NRG1: variants seen among roughly 807,000 people sequenced by gnomAD.
NRG1 encodes the protein pro-neuregulin-1, membrane-bound isoform.
Under a neutral mutation model 63.8 loss-of-function variants are expected in NRG1, and 18 were observed. The observed-to-expected ratio is 0.28, with a 90% CI of 0.19 to 0.42. The LOEUF (loss-of-function observed/expected upper bound fraction) is 0.42, where lower values mean the gene tolerates loss of function less well. NRG1 is among the 10% of genes least tolerant of loss of function. The pLI is 1.00. For synonymous variants in NRG1, 302 were observed against 301.3 expected, an observed-to-expected ratio of 1.00 and a Z score of -0.02; for missense variants, 762 against 814.7, an observed-to-expected ratio of 0.94 and a Z score of 0.79.
At chr8:32,274,021 A>G (rs1851821115) in intron 1 of NRG1, among the ~76,000 whole-genome samples, 1 of 152,216 alleles carries the variant, frequency 6.6e-6, no homozygotes, top group Non-Finnish European at 1.5e-5. Context: ...ATTCCTTATA[A>G]TGGAACACCA....
At chr8:32,225,392 C>T in intron 1 of NRG1, among the ~76,000 whole-genome samples, 1 of 152,160 alleles carries the variant, frequency 6.6e-6, no homozygotes, top group East Asian at 1.9e-4. Context: ...GAAGTGTCCC[C>T]ACCACCAGAG....
chr8:32,320,497 C>T (rs1801256642), intron 1 of NRG1, among the ~76,000 whole-genome samples: 1 of 152,144 alleles, frequency 6.6e-6, no homozygotes, highest in African/African-American at 2.4e-5. Context: ...AGCTTACAAT[C>T]ATGGCAGAAG....
At chr8:32,322,889 A>G (rs1767167972) in intron 1 of NRG1, among the ~76,000 whole-genome samples, 1 of 151,626 alleles carries the variant, frequency 6.6e-6, no homozygotes, top group Non-Finnish European at 1.5e-5. Flanking sequence ...CTTATAACAA[A>G]GCGGATTAAT....
At chr8:32,709,835 A>T (rs1378766973) in intron 5 of NRG1, among the ~76,000 whole-genome samples, 1 of 152,230 alleles carries the variant, frequency 6.6e-6, no homozygotes, top group Non-Finnish European at 1.5e-5. Flanking sequence ...AATAAAATTT[A>T]GTAAAAAATC....
At chr8:31,929,669 A>G (rs1003498948) in intron 1 of NRG1, among the ~76,000 whole-genome samples, 1 of 152,196 alleles carries the variant, frequency 6.6e-6, no homozygotes, top group Non-Finnish European at 1.5e-5. Flanking sequence ...TTTAATTGCT[A>G]TAAATTGCCC....
intron 3 of NRG1, among the ~76,000 whole-genome samples, chr8:32,606,806 G>A (rs1195087153): frequency 6.6e-6 from 1 of 152,106 alleles, no homozygotes; most frequent in African/African-American, 2.4e-5. Flanking sequence ...AAGTGATAAG[G>A]TAAAAATGCC....
intron 1 of NRG1, among the ~76,000 whole-genome samples, chr8:31,909,723 C>T (rs1311154205): frequency 6.6e-6 from 1 of 152,082 alleles, no homozygotes; most frequent in African/African-American, 2.4e-5. Context: ...TTGTGGGTGG[C>T]AGTTGCTTTT....
At chr8:32,638,322 T>A (rs918945830) in intron 5 of NRG1, among the ~76,000 whole-genome samples, 1 of 152,152 alleles carries the variant, frequency 6.6e-6, no homozygotes, top group African/African-American at 2.4e-5. Flanking sequence ...AATAAAAAAA[T>A]TAAATAAATA....
intron 1 of NRG1, among the ~76,000 whole-genome samples, chr8:32,584,066 A>G (rs908695303): frequency 6.8e-6 from 1 of 146,226 alleles, no homozygotes; most frequent in Non-Finnish European, 1.5e-5. Context: ...GACTATTTGG[A>G]CTCTTTCTTA....
intron 1 of NRG1, among the ~76,000 whole-genome samples, chr8:32,514,611 T>G (rs1423920607): frequency 6.6e-6 from 1 of 151,864 alleles, no homozygotes; most frequent in African/African-American, 2.4e-5. Context: ...TGCATGTGTT[T>G]TTGTTTTTGT....
chr8:32,360,658 A>T (rs1376314093), intron 1 of NRG1, among the ~76,000 whole-genome samples: 3 of 152,144 alleles, frequency 2.0e-5, no homozygotes, highest in Non-Finnish European at 4.4e-5. Flanking sequence ...TTCTTCATAA[A>T]AAGGGCCATT....
At chr8:32,603,314 A>G (rs1193951613) in intron 2 of NRG1, among the ~76,000 whole-genome samples, 1 of 152,200 alleles carries the variant, frequency 6.6e-6, no homozygotes, top group Non-Finnish European at 1.5e-5. Context: ...GAGTCAGAGT[A>G]CAACAGCATA....
intron 1 of NRG1, among the ~76,000 whole-genome samples, chr8:32,364,827 A>C (rs1161255530): frequency 7.2e-5 from 11 of 152,168 alleles, no homozygotes; most frequent in Non-Finnish European, 1.6e-4. Flanking sequence ...CATTATCAAA[A>C]TTTTAATATT....
At chr8:32,018,585 T>G (rs558295509) in intron 1 of NRG1, among the ~76,000 whole-genome samples, 115 of 152,378 alleles carry the variant, frequency 7.5e-4, no homozygotes, top group African/African-American at 2.6e-3. Context: ...TATTTTCATC[T>G]ATTTTCTTTC....
chr8:31,800,837 CTTTTTTTTTTTT>C (rs5890598), intron 1 of NRG1, among the ~76,000 whole-genome samples: 2 of 105,040 alleles, frequency 1.9e-5, no homozygotes, highest in Non-Finnish European at 3.7e-5. Context: ...AGTCTCCTTT[CTTTTTTTTTTTT>C]TTTTTTTTTG....
At chr8:32,756,272 C>T in intron 8 of NRG1, 131 bp from the exon 9 acceptor site, 2 of 975,902 alleles carry the variant, frequency 2.0e-6, no homozygotes, top group Non-Finnish European at 3.0e-6. Flanking sequence ...AGTGGACATA[C>T]TCCCTTCCCT....
chr8:32,259,964 T>A (rs1358052362), intron 1 of NRG1, among the ~76,000 whole-genome samples: 2 of 152,186 alleles, frequency 1.3e-5, no homozygotes, highest in Non-Finnish European at 2.9e-5. Context: ...GACTTGGCTG[T>A]CAACCGAATC....
chr8:31,713,123 T>A (rs2131265770), intron 1 of NRG1, among the ~76,000 whole-genome samples: 1 of 144,336 alleles, frequency 6.9e-6, no homozygotes, highest in Non-Finnish European at 1.5e-5. Context: ...TTTTTTTTTT[T>A]TTTTTTTTTT....
At chr8:31,904,678 A>G (rs925834806) in intron 1 of NRG1, among the ~76,000 whole-genome samples, 3 of 152,236 alleles carry the variant, frequency 2.0e-5, no homozygotes, top group Non-Finnish European at 4.4e-5. Context: ...CATATACATC[A>G]TCAAATACTA....
Sources: allele counts gnomAD v4.1 joint callset (sites outside exome capture counted in the v4.1 genomes callset), GRCh38; gene constraint gnomAD v4.1.1; transcripts MANE v1.5; gene names NCBI Gene and HGNC (gene_info 2026-07-23, HGNC 2026-07-21).